The following PDLIM3 variants were observed in gnomAD, a reference collection of about 807,000 sequenced individuals.
The protein encoded by PDLIM3 is PDZ and LIM domain 3.
A neutral mutation model predicts 37.3 loss-of-function variants in PDLIM3; 36 were observed. The observed-to-expected ratio is 0.97, with a 90% CI of 0.74 to 1.28. The LOEUF is 1.28. PDLIM3 is among the 50% of genes most tolerant of loss of function. The pLI, the probability that PDLIM3 is intolerant of heterozygous loss-of-function variation, is 0.00. For missense variants in PDLIM3, 454 were observed against 485.0 expected, an observed-to-expected ratio of 0.94 and a Z score of 0.60; for synonymous variants, 174 against 182.4, an observed-to-expected ratio of 0.95 and a Z score of 0.37.
At chr4:185,519,472 A>T (rs1382868778) in intron 3 of PDLIM3, among the ~76,000 whole-genome samples, 1 of 152,024 alleles carries the variant, frequency 6.6e-6, no homozygotes, top group African/African-American at 2.4e-5. Context: ...TTTCTAGTAG[A>T]GACAGGGTTT....
chr4:185,527,691 C>A (rs968703714), intron 1 of PDLIM3, among the ~76,000 whole-genome samples: 1 of 152,202 alleles, frequency 6.6e-6, no homozygotes, highest in Non-Finnish European at 1.5e-5. Context: ...TTTTAATTTT[C>A]TCTCATTTGT....
chr4:185,513,250 T>C (rs2095709504), intron 4 of PDLIM3: 1 of 985,466 alleles, frequency 1.0e-6, no homozygotes, highest in Non-Finnish European at 1.2e-6. Context: ...GGCTCCTTTC[T>C]GGATCTGATA....
chr4:185,526,335 A>G (rs534200352), intron 1 of PDLIM3, among the ~76,000 whole-genome samples: 12 of 152,372 alleles, frequency 7.9e-5, no homozygotes, highest in African/African-American at 2.2e-4. Flanking sequence ...GATTTTAATT[A>G]AACCATAGCA....
At chr4:185,506,475 C>T (rs2095697469) in intron 6 of PDLIM3, 47 bp downstream of exon 6, 1 of 1,611,322 alleles carries the variant, frequency 6.2e-7, no homozygotes. Flanking sequence ...CCGCCCCCTG[C>T]AGTGGCCTCT....
intron 1 of PDLIM3, among the ~76,000 whole-genome samples, chr4:185,529,550 G>A (rs985844306): frequency 6.6e-6 from 1 of 152,078 alleles, no homozygotes; most frequent in Non-Finnish European, 1.5e-5. Context: ...AATAGACTCC[G>A]CGTGCCTCCT....
intron 6 of PDLIM3, among the ~76,000 whole-genome samples, chr4:185,505,898 G>C (rs919974787): frequency 6.6e-6 from 1 of 152,200 alleles, no homozygotes; most frequent in African/African-American, 2.4e-5. Context: ...GGCTTTTAAA[G>C]GACAGTCTAT....
rs1294941326 is a variant in PDLIM3 at position 185,514,235 on chromosome 4, T to G, written c.398+35A>C. Reference sequence around the variant, plus strand: ...TTAGTAAGAACTGATTTAAGAAGCATGCACTGCAAACTCCACAGTCTCAGC... The same window carrying G: ...TTAGTAAGAACTGATTTAAGAAGCAGGCACTGCAAACTCCACAGTCTCAGC... On this transcript the variant is annotated intron_variant, in intron 4 of 7. Coordinates refer to ENST00000284767, the MANE Select transcript of PDLIM3 (RefSeq NM_014476.6). This position sits in a 1 kb window ranked among gnomAD's most constrained non-coding sequence, Gnocchi z 4.0. 1.2e-6 allele frequency: 2 copies of G among 1,614,228 alleles called. No homozygotes were observed. The highest frequency in any genetic ancestry group is 1.7e-6 in the Non-Finnish European group (2 of 1,180,030).
intron 1 of PDLIM3, among the ~76,000 whole-genome samples, chr4:185,532,329 C>T (rs2095745961): frequency 6.6e-6 from 1 of 152,166 alleles, no homozygotes; most frequent in Non-Finnish European, 1.5e-5. Context: ...AGGTTTCTGC[C>T]TTCGGGGAAT....
At chr4:185,503,187 G>A (rs4862541) in intron 7 of PDLIM3, among the ~76,000 whole-genome samples, 105,288 of 151,520 alleles carry the variant, frequency 0.69, 39,859 homozygotes, top group Non-Finnish European at 0.84. Flanking sequence ...TCGCGCCACT[G>A]CACTCCAGCC....
At chr4:185,503,409 G>C (rs952823025) in intron 7 of PDLIM3, among the ~76,000 whole-genome samples, 1 of 152,088 alleles carries the variant, frequency 6.6e-6, no homozygotes, top group Admixed American at 6.5e-5. Flanking sequence ...TCTCTGCTCC[G>C]AGCTCCCTGC....
intron 1 of PDLIM3, among the ~76,000 whole-genome samples, chr4:185,525,753 T>A (rs1319609653): frequency 6.6e-6 from 1 of 152,074 alleles, no homozygotes; most frequent in East Asian, 1.9e-4. Context: ...AGTGCCCTTA[T>A]GAAAAAGGCC....
In PDLIM3 at chr4:185,504,665, C is replaced by T; in HGVS notation, c.794-79G>A. The stretch of plus-strand genomic sequence containing the variant: ...TGCTTGGCTTCTATTTTAAAGTGTG[C>T]ACTTTAACCTGAAGTTGCATCTGCA... On this transcript the variant is annotated intron_variant, in intron 6 of 7. Coordinates refer to ENST00000284767, the MANE Select transcript of PDLIM3 (RefSeq NM_014476.6). This position sits in a 1 kb window ranked among gnomAD's most constrained non-coding sequence, Gnocchi z 4.7. 8.8e-7 allele frequency: 1 copy of T among 1,130,914 alleles called. No homozygotes were observed. The allele number at this position is 1,130,914 out of a possible 1,614,324, so 70.1% of individuals were successfully genotyped here. A position where few individuals can be genotyped will look rare whatever the true frequency, so the allele number is the denominator to read the frequency against.
At position 185,505,903 on chromosome 4, in the gene PDLIM3, G is replaced by A. The variant is rs185517046; in HGVS notation, c.793+619C>T. Reference sequence around the variant, plus strand: ...ATTTTTGTGTGGCTTTTAAAGGACAGTCTATATCTTTTGGGCATGGAGAAG... The same window carrying A: ...ATTTTTGTGTGGCTTTTAAAGGACAATCTATATCTTTTGGGCATGGAGAAG... On this transcript the variant is annotated intron_variant, in intron 6 of 7. Coordinates refer to ENST00000284767, the MANE Select transcript of PDLIM3 (RefSeq NM_014476.6). Among the ~76,000 whole-genome samples, 317 of 152,332 alleles carry A rather than the reference G, an allele frequency of 2.1e-3. 1 individual carries two copies. Among genetic ancestry groups the A allele is most frequent in the African/African-American group, 7.2e-3 (298 of 41,574 alleles).
At chr4:185,526,954 A>G (rs1261505746) in intron 1 of PDLIM3, among the ~76,000 whole-genome samples, 3 of 152,094 alleles carry the variant, frequency 2.0e-5, no homozygotes, top group Non-Finnish European at 2.9e-5. Context: ...TATTTCCTTA[A>G]TGAAAGTTAT....
At chr4:185,526,612 T>C (rs1230748167) in intron 1 of PDLIM3, among the ~76,000 whole-genome samples, 1 of 152,238 alleles carries the variant, frequency 6.6e-6, no homozygotes, top group Non-Finnish European at 1.5e-5. Context: ...TCCCAATTTT[T>C]CTGGGCAAAT....
chr4:185,512,545 G>A (rs895714268), intron 4 of PDLIM3: 5 of 439,698 alleles, frequency 1.1e-5, no homozygotes, highest in Non-Finnish European at 1.5e-5. Flanking sequence ...AAGTTAAAAT[G>A]AAAAATTTTT....
intron 4 of PDLIM3, chr4:185,513,602 G>C (rs112122487): frequency 1.0e-6 from 1 of 986,080 alleles, no homozygotes; most frequent in African/African-American, 1.8e-5. Context: ...CAACAGCTGC[G>C]GTAAATCATA....
chr4:185,504,401 TA>T lies in PDLIM3; in HGVS notation c.905+73del. 1 of 1,283,910 alleles carries T rather than the reference TA, an allele frequency of 7.8e-7. No homozygotes were observed. The highest frequency in any genetic ancestry group is 1.1e-6 in the Non-Finnish European group (1 of 896,140). 79.5% of individuals were successfully genotyped at this position (1,283,910 alleles called of 1,614,324 possible). ...GGTTTTCACAGTTGCCTTTAGTCTA[TA>T]AAGTCTTAAAGGAGAAGAAATGAAC... On this transcript the variant is annotated intron_variant, in intron 7 of 7. Transcript: ENST00000284767. The surrounding 1 kb of genome is among the most constrained non-coding windows in gnomAD (Gnocchi z 4.7).
chr4:185,534,040 CTTACT>C (rs1330796711), intron 1 of PDLIM3, among the ~76,000 whole-genome samples: 6 of 152,114 alleles, frequency 3.9e-5, no homozygotes, highest in East Asian at 3.8e-4. Flanking sequence ...GCATTTTCTG[CTTACT>C]TTACTTAGGA....
Sources: gnomAD v4.1 joint callset for allele counts (sites outside exome capture counted in the v4.1 genomes callset) on GRCh38, gnomAD v4.1.1 for gene constraint, Gnocchi (gnomAD v3.1) non-coding constraint, MANE v1.5 for transcripts, NCBI Gene and HGNC (gene_info 2026-07-23, HGNC 2026-07-21) for gene names.